Variants in AFF3 observed in about 807,000 individuals in gnomAD.
AFF3 encodes the protein AF4/FMR2 family member 3.
Under a neutral mutation model 129.7 loss-of-function variants are expected in AFF3, and 32 were observed. That is an observed-to-expected ratio of 0.25 (90% CI 0.19 to 0.33). AFF3 has a LOEUF of 0.33. AFF3 is among the 10% of genes least tolerant of loss of function. The pLI is 1.00. For synonymous variants in AFF3, 644 were observed against 635.4 expected (o/e 1.01, Z -0.20); for missense variants, 1,373 against 1,592.0 (o/e 0.86, Z 2.34).
intron 12 of AFF3, among the ~76,000 whole-genome samples, chr2:99,671,329 C>T (rs1687124941): frequency 1.3e-5 from 2 of 152,182 alleles, no homozygotes; most frequent in Non-Finnish European, 2.9e-5. Context: ...ATCAACAGAT[C>T]TGTAAAACAC....
intron 7 of AFF3, among the ~76,000 whole-genome samples, chr2:99,931,354 T>G (rs78069492): frequency 6.6e-6 from 1 of 152,170 alleles, no homozygotes; most frequent in East Asian, 1.9e-4. Context: ...AGCGTTGCCA[T>G]TAAAAGCAAT....
At chr2:100,070,598 C>T (rs1054977415) in intron 4 of AFF3, among the ~76,000 whole-genome samples, 7 of 152,150 alleles carry the variant, frequency 4.6e-5, no homozygotes, top group Non-Finnish European at 8.8e-5. Flanking sequence ...ATTTGCACAC[C>T]GTTTCATACA....
chr2:99,927,010 G>A (rs2106277609), intron 7 of AFF3, among the ~76,000 whole-genome samples: 1 of 152,148 alleles, frequency 6.6e-6, no homozygotes, highest in African/African-American at 2.4e-5. Context: ...TCTCACACAG[G>A]CTCAGGGCAT....
At chr2:100,008,259 A>G (rs963209572) in intron 5 of AFF3, among the ~76,000 whole-genome samples, 5 of 152,242 alleles carry the variant, frequency 3.3e-5, no homozygotes, top group Non-Finnish European at 7.3e-5. Context: ...CTAAATGTGC[A>G]GGAAGCTGGA....
intron 2 of AFF3, among the ~76,000 whole-genome samples, chr2:100,117,042 T>G (rs908238151): frequency 6.6e-6 from 1 of 152,192 alleles, no homozygotes; most frequent in Non-Finnish European, 1.5e-5. Flanking sequence ...CCCTTTTTCC[T>G]CTGTCTGCTT....
intron 7 of AFF3, among the ~76,000 whole-genome samples, chr2:99,881,666 C>T (rs2043006): frequency 0.88 from 134,651 of 152,292 alleles, 59,723 homozygotes; most frequent in African/African-American, 0.96. Flanking sequence ...AACCTGTGCA[C>T]GCATTCACTT....
intron 4 of AFF3, among the ~76,000 whole-genome samples, chr2:100,045,949 A>G (rs912660665): frequency 6.6e-6 from 1 of 152,158 alleles, no homozygotes; most frequent in Non-Finnish European, 1.5e-5. Flanking sequence ...TTCATAGTTG[A>G]GCCTTTGGGA....
chr2:100,055,716 T>G (rs1355765216), intron 4 of AFF3, among the ~76,000 whole-genome samples: 1 of 152,186 alleles, frequency 6.6e-6, no homozygotes, highest in Non-Finnish European at 1.5e-5. Flanking sequence ...AAGCAACTGC[T>G]CAGCTCTGCT....
At chr2:99,647,777 C>G (rs1483782619) in intron 13 of AFF3, among the ~76,000 whole-genome samples, 1 of 152,126 alleles carries the variant, frequency 6.6e-6, no homozygotes, top group Non-Finnish European at 1.5e-5. Context: ...AAAAGTGCTA[C>G]AGTAAAGTAA....
At chr2:99,938,328 ATC>A (rs1447621450) in intron 7 of AFF3, among the ~76,000 whole-genome samples, 19 of 152,308 alleles carry the variant, frequency 1.2e-4, no homozygotes, top group African/African-American at 3.4e-4. Context: ...CAAACCTATC[ATC>A]CATAGAATGC....
rs371386757 is a variant in AFF3 at position 100,117,904 on chromosome 2, C to T, written c.-145+11320G>A. On this transcript the variant is annotated intron_variant, in intron 2 of 24. Transcript: ENST00000672756. ...AAGACCTCATTTCTTCTAGTGTATG[C>T]TTTCAGTATTCCAACCCAAATGATA... 7.2e-5 allele frequency among the ~76,000 whole-genome samples: 11 copies of T among 152,314 alleles called. No homozygotes were observed. The East Asian group carries it at 1.4e-3, about 19-fold the overall frequency.
chr2:99,882,610 C>A (rs898045723), intron 7 of AFF3, among the ~76,000 whole-genome samples: 1 of 152,188 alleles, frequency 6.6e-6, no homozygotes, highest in African/African-American at 2.4e-5. Flanking sequence ...GAAGGTCTGG[C>A]TGATGAAAGA....
chr2:99,880,402 C>T (rs771331829), intron 7 of AFF3, among the ~76,000 whole-genome samples: 29 of 152,150 alleles, frequency 1.9e-4, no homozygotes, highest in Non-Finnish European at 3.7e-4. Flanking sequence ...TTTTTCCCCT[C>T]GGGAAAGACC....
chr2:99,605,889 T>C (rs950008020), intron 13 of AFF3, among the ~76,000 whole-genome samples: 1 of 151,954 alleles, frequency 6.6e-6, no homozygotes, highest in African/African-American at 2.4e-5. Flanking sequence ...GATCTTTCTA[T>C]GTTGTCTAGG....
chr2:99,981,757 T>C (rs1479120016), intron 7 of AFF3, among the ~76,000 whole-genome samples: 1 of 152,208 alleles, frequency 6.6e-6, no homozygotes, highest in Non-Finnish European at 1.5e-5. Context: ...TAACAAACTG[T>C]CTGCAATGTT....
intron 7 of AFF3, among the ~76,000 whole-genome samples, chr2:99,913,018 C>T (rs1213459874): frequency 6.6e-6 from 1 of 152,142 alleles, no homozygotes; most frequent in East Asian, 1.9e-4. Context: ...TCCATCAGAG[C>T]CTAGACTCAC....
At chr2:99,850,687 C>T (rs1690079327) in intron 7 of AFF3, among the ~76,000 whole-genome samples, 1 of 152,004 alleles carries the variant, frequency 6.6e-6, no homozygotes, top group Non-Finnish European at 1.5e-5. Flanking sequence ...TGGTCATTTC[C>T]AACAATTTTA....
intron 9 of AFF3, 124 bp downstream of exon 9, chr2:99,752,097 C>A: frequency 1.2e-6 from 1 of 811,430 alleles, no homozygotes; most frequent in Non-Finnish European, 2.0e-6. Context: ...TGTGAAGGAT[C>A]AGATTCACGT....
chr2:99,776,302 C>T (rs1683899003), intron 8 of AFF3, among the ~76,000 whole-genome samples: 1 of 152,114 alleles, frequency 6.6e-6, no homozygotes, highest in Admixed American at 6.5e-5. Flanking sequence ...GAGTAGGGGT[C>T]AGTTTGTTTA....
Sources: gnomAD v4.1 joint callset for allele counts (sites outside exome capture counted in the v4.1 genomes callset) on GRCh38, gnomAD v4.1.1 for gene constraint, MANE v1.5 for transcripts, NCBI Gene and HGNC (gene_info 2026-07-23, HGNC 2026-07-21) for gene names.